The following FHOD3 variants were observed in gnomAD, a reference collection of about 807,000 sequenced individuals.
FHOD3 encodes formin homology 2 domain containing 3, also known as FH1/FH2 domain-containing protein 3.
Under a neutral mutation model 173.0 loss-of-function variants are expected in FHOD3, and 90 were observed. The observed-to-expected ratio is 0.52, with a 90% CI of 0.44 to 0.62. The LOEUF (loss-of-function observed/expected upper bound fraction) is 0.62, where lower values mean the gene tolerates loss of function less well. Among genes scored for constraint, FHOD3 ranks in the 20% least tolerant of loss-of-function variants. The probability of loss-of-function intolerance (pLI) is 0.00; values close to 1 mark genes in which losing one functional copy is unlikely to be tolerated. For synonymous variants in FHOD3, 828 were observed against 823.0 expected, an observed-to-expected ratio of 1.01 and a Z score of -0.10; for missense variants, 1,945 against 2,034.7, an observed-to-expected ratio of 0.96 and a Z score of 0.85.
At chr18:36,567,701 A>T (rs2058313857) in intron 5 of FHOD3, among the ~76,000 whole-genome samples, 1 of 152,110 alleles carries the variant, frequency 6.6e-6, no homozygotes, top group South Asian at 2.1e-4. Flanking sequence ...TCTGGTCTGG[A>T]CTCAAATTAG....
At chr18:36,525,421 G>C (rs1460943383) in intron 5 of FHOD3, among the ~76,000 whole-genome samples, 1 of 152,150 alleles carries the variant, frequency 6.6e-6, no homozygotes, top group Non-Finnish European at 1.5e-5. Flanking sequence ...CTGACACCTT[G>C]ATTGCAGCCT....
intron 5 of FHOD3, among the ~76,000 whole-genome samples, chr18:36,536,207 T>C (rs1385328658): frequency 1.3e-5 from 2 of 152,226 alleles, no homozygotes; most frequent in East Asian, 3.8e-4. Context: ...GATTATGTTA[T>C]ACAAATTATA....
chr18:36,616,634 A>G (rs1038261409), intron 9 of FHOD3, among the ~76,000 whole-genome samples: 11 of 152,214 alleles, frequency 7.2e-5, no homozygotes, highest in African/African-American at 2.7e-4. Context: ...AACAAATACC[A>G]TGTACCAGCT....
intron 10 of FHOD3, among the ~76,000 whole-genome samples, chr18:36,634,335 G>T (rs1426641026): frequency 6.6e-6 from 1 of 152,112 alleles, no homozygotes; most frequent in Non-Finnish European, 1.5e-5. Flanking sequence ...CTGTGCTGGG[G>T]GGTGAGCTCA....
chr18:36,353,232 A>G (rs901399232), intron 1 of FHOD3, among the ~76,000 whole-genome samples: 3 of 152,258 alleles, frequency 2.0e-5, no homozygotes, highest in African/African-American at 7.2e-5. Flanking sequence ...ATGGTCTGCT[A>G]TTAGAGAAAT....
chr18:36,687,134 T>A lies in FHOD3; in HGVS notation c.1977T>A (p.Asp659Glu). 1 of 1,610,448 alleles carries A rather than the reference T, an allele frequency of 6.2e-7. No individual in the cohort carries two copies. The highest frequency in any genetic ancestry group is 8.5e-7 in the Non-Finnish European group (1 of 1,177,200). Residue 659 changes from aspartate to glutamate, a missense_variant, in exon 16 of 29, where the codon GAT (aspartate) becomes GAA (glutamate). Around this residue, in one of 5 missense-constraint regions of FHOD3, gnomAD observed 1,099 missense variants for 1,051.2 expected, o/e 1.05. Coordinates refer to ENST00000590592, the MANE Select transcript of FHOD3 (RefSeq NM_001281740.3). ...EREERNKFSR[D>E]YLDKREEQRQ... ...TTCTACATATTTCCATTAGCCGAGA[T>A]TATTTAGACAAAAGAGAGGAGCAAA...
intron 20 of FHOD3, among the ~76,000 whole-genome samples, chr18:36,735,151 G>A (rs1347448159): frequency 6.6e-6 from 1 of 151,976 alleles, no homozygotes; most frequent in Non-Finnish European, 1.5e-5. Flanking sequence ...TAGCACAATT[G>A]AATGGTCCCA....
chr18:36,298,082 TG>T (rs1174049086), intron 1 of FHOD3, 82 bp downstream of exon 1: 30 of 1,251,548 alleles, frequency 2.4e-5, no homozygotes, highest in Non-Finnish European at 3.0e-5. Context: ...CGGGGCTTCG[TG>T]GGCCCCCTGG....
At chr18:36,767,399 A>AACCTCTGT (rs951435641) in intron 27 of FHOD3, among the ~76,000 whole-genome samples, 1 of 152,018 alleles carries the variant, frequency 6.6e-6, no homozygotes, top group African/African-American at 2.4e-5. Flanking sequence ...AGCTCACTGC[A>AACCTCTGT]ACCTCTGTCT....
At chr18:36,779,145 T>G (rs2043911657) in intron 28 of FHOD3, 1 of 403,722 alleles carries the variant, frequency 2.5e-6, no homozygotes, top group Admixed American at 3.8e-5. Context: ...CTCAGAAGCC[T>G]CGTGAGGGTG....
rs1437430766 is a variant in FHOD3, at chr18:36,718,662, TC to T, written c.3366del (p.Arg1123AspfsTer43). 6.2e-7 allele frequency: 1 copy of T among 1,614,036 alleles called. No homozygotes were observed. Among genetic ancestry groups the T allele is most frequent in the Non-Finnish European group, 8.5e-7 (1 of 1,180,042 alleles). On this transcript the variant is annotated frameshift_variant, in exon 19 of 29. Coordinates refer to ENST00000590592, the MANE Select transcript of FHOD3 (RefSeq NM_001281740.3). LOFTEE classifies it high-confidence loss of function. The stretch of plus-strand genomic sequence containing the variant: ...ACTGGAACCCATTAAGGTGGACACT[TC>T]CAGACTGGAGCACCTGTTTGAGTCT... Reference protein sequence around the residue: ...SKLEPIKVDTSRLEHLFESKS... With the variant: ...SKLEPIKVDTXRLEHLFESKS...
chr18:36,445,037 T>G (rs2051387311), intron 3 of FHOD3, among the ~76,000 whole-genome samples: 1 of 152,192 alleles, frequency 6.6e-6, no homozygotes, highest in African/African-American at 2.4e-5. Flanking sequence ...AAGATTGTAG[T>G]AAGGTAATCT....
rs754364239 is a variant in FHOD3, at chr18:36,625,696, C to G, written c.1143C>G (p.Cys381Trp). ...KSTLSAPTSP[C>W]SQSAPSFKPN... ...CCCTGTCGGCCCCCACCAGTCCCTG[C>G]TCCCAGTCAGCTCCCAGCTTCAAGC... The change falls in exon 10 of 29, where the codon TGC becomes TGG. Residue 381 changes from cysteine to tryptophan, a missense_variant. Cys to Trp is a radical substitution (Grantham distance 215). This residue lies in a region of FHOD3 where 1,099 missense variants were observed against 1,051.2 expected (regional missense o/e 1.05). Coordinates refer to ENST00000590592, the MANE Select transcript of FHOD3 (RefSeq NM_001281740.3). 1 of 1,610,578 alleles carries G rather than the reference C, an allele frequency of 6.2e-7. No homozygotes were observed.
chr18:36,488,420 A>C (rs1392382146), intron 3 of FHOD3, among the ~76,000 whole-genome samples: 1 of 152,192 alleles, frequency 6.6e-6, no homozygotes, highest in Non-Finnish European at 1.5e-5. Context: ...AGAGACCCCC[A>C]GGGCCCAGCT....
chr18:36,453,567 A>G (rs955953889), intron 3 of FHOD3, among the ~76,000 whole-genome samples: 1 of 152,380 alleles, frequency 6.6e-6, no homozygotes, highest in Non-Finnish European at 1.5e-5. Flanking sequence ...TGGAGCAGTT[A>G]TACCCCTGTG....
intron 19 of FHOD3, among the ~76,000 whole-genome samples, chr18:36,721,505 G>T (rs768030610): frequency 1.1e-4 from 17 of 152,210 alleles, no homozygotes; most frequent in Non-Finnish European, 1.9e-4. Context: ...ACACAGCCAG[G>T]GATGGTAGTA....
intron 3 of FHOD3, among the ~76,000 whole-genome samples, chr18:36,422,615 G>A (rs10853434): frequency 0.8 from 122,304 of 152,130 alleles, 49,800 homozygotes; most frequent in South Asian, 0.93. Flanking sequence ...ATTTGCAGCC[G>A]ATCAATGTGA....
chr18:36,597,189 A>C (rs1192149952), intron 7 of FHOD3, among the ~76,000 whole-genome samples: 1 of 152,038 alleles, frequency 6.6e-6, no homozygotes, highest in African/African-American at 2.4e-5. Context: ...TGAACTTCAT[A>C]TCCCATAAAG....
intron 5 of FHOD3, among the ~76,000 whole-genome samples, chr18:36,552,692 G>T (rs1431593313): frequency 6.6e-6 from 1 of 151,860 alleles, no homozygotes; most frequent in East Asian, 1.9e-4. Context: ...TAGAGATGGG[G>T]TTTCACTGTG....
Sources: allele counts gnomAD v4.1 joint callset (sites outside exome capture counted in the v4.1 genomes callset), GRCh38; gene constraint gnomAD v4.1.1; regional missense constraint gnomAD v4.1.1; transcripts MANE v1.5; gene names NCBI Gene and HGNC (gene_info 2026-07-23, HGNC 2026-07-21).